The following CACNB2 variants were observed in gnomAD, a reference collection of about 807,000 sequenced individuals.
CACNB2 encodes the protein calcium voltage-gated channel auxiliary subunit beta 2.
Under a neutral mutation model 73.3 loss-of-function variants are expected in CACNB2, and 42 were observed. The ratio of observed to expected loss-of-function variants is 0.57; its 90% confidence interval spans 0.45 to 0.74. The LOEUF (loss-of-function observed/expected upper bound fraction) is 0.74. Ranked by LOEUF, CACNB2 falls within the 30% of genes least tolerant of loss-of-function variation. The probability of loss-of-function intolerance (pLI) is 0.00; values close to 1 mark genes in which losing one functional copy is unlikely to be tolerated. For missense variants in CACNB2, 940 were observed against 853.0 expected (o/e 1.10, Z -1.27); for synonymous variants, 348 against 310.3 (o/e 1.12, Z -1.28).
At chr10:18,264,613 C>T (rs998243301) in intron 2 of CACNB2, among the ~76,000 whole-genome samples, 5 of 152,176 alleles carry the variant, frequency 3.3e-5, no homozygotes, top group African/African-American at 9.7e-5. Flanking sequence ...TGAACTCAAA[C>T]AGCATGTACT....
At chr10:18,317,277 C>A (rs1320796570) in intron 2 of CACNB2, among the ~76,000 whole-genome samples, 1 of 151,630 alleles carries the variant, frequency 6.6e-6, no homozygotes, top group Non-Finnish European at 1.5e-5. Context: ...TTGGGGGTTA[C>A]AGATGCAGAT....
intron 2 of CACNB2, among the ~76,000 whole-genome samples, chr10:18,203,996 A>T (rs2034992578): frequency 6.6e-6 from 1 of 152,240 alleles, no homozygotes; most frequent in Non-Finnish European, 1.5e-5. Flanking sequence ...AAACAGGCTC[A>T]TTCAAACAAA....
chr10:18,486,701 A>G (rs2049076389), intron 3 of CACNB2, among the ~76,000 whole-genome samples: 1 of 152,142 alleles, frequency 6.6e-6, no homozygotes, highest in African/African-American at 2.4e-5. Flanking sequence ...CGGCAGTGAG[A>G]TGAGGGACTT....
At chr10:18,364,968 G>A (rs538532290) in intron 2 of CACNB2, among the ~76,000 whole-genome samples, 78 of 152,148 alleles carry the variant, frequency 5.1e-4, no homozygotes, top group African/African-American at 1.7e-3. Context: ...TTTTTCAAGT[G>A]CTGTTTTATT....
intron 2 of CACNB2, among the ~76,000 whole-genome samples, chr10:18,293,253 T>C (rs939735471): frequency 6.6e-6 from 1 of 152,228 alleles, no homozygotes; most frequent in Non-Finnish European, 1.5e-5. Context: ...CATATTATTG[T>C]TATCGTTGAT....
At chr10:18,522,695 T>G (rs936472448) in intron 9 of CACNB2, among the ~76,000 whole-genome samples, 1 of 151,874 alleles carries the variant, frequency 6.6e-6, no homozygotes, top group Non-Finnish European at 1.5e-5. Context: ...TTCGCCAACA[T>G]GGTGAAACCT....
At chr10:18,472,462 C>A (rs2048242549) in intron 3 of CACNB2, among the ~76,000 whole-genome samples, 1 of 152,100 alleles carries the variant, frequency 6.6e-6, no homozygotes, top group African/African-American at 2.4e-5. Flanking sequence ...GTCTTGAATT[C>A]CTGACCTCAG....
intron 9 of CACNB2, chr10:18,519,997 T>TCTCCTTTGC (rs1188651742): frequency 3.3e-6 from 1 of 305,390 alleles, no homozygotes; most frequent in Non-Finnish European, 6.3e-6. Context: ...TGCTCCTTTG[T>TCTCCTTTGC]CTCCTTTGCT....
intron 2 of CACNB2, among the ~76,000 whole-genome samples, chr10:18,329,254 A>G (rs370346864): frequency 7.9e-4 from 121 of 152,302 alleles, no homozygotes; most frequent in African/African-American, 2.7e-3. Flanking sequence ...CCTCAACTGT[A>G]TTACAGAATA....
intron 2 of CACNB2, among the ~76,000 whole-genome samples, chr10:18,386,507 A>G (rs770806658): frequency 2.0e-4 from 28 of 142,496 alleles, no homozygotes; most frequent in Non-Finnish European, 1.0e-4. Flanking sequence ...GGTTTGCACC[A>G]TTCTCCTGCC....
At chr10:18,369,168 A>G (rs956589620) in intron 2 of CACNB2, among the ~76,000 whole-genome samples, 2 of 152,192 alleles carry the variant, frequency 1.3e-5, no homozygotes, top group African/African-American at 4.8e-5. Flanking sequence ...GCCTCTGGTA[A>G]TTCTTCTAAG....
chr10:18,194,868 A>G (rs1201727208), intron 2 of CACNB2, among the ~76,000 whole-genome samples: 1 of 152,196 alleles, frequency 6.6e-6, no homozygotes, highest in Non-Finnish European at 1.5e-5. Flanking sequence ...CGACATCATG[A>G]TGTCCATTCA....
Position 18,518,376 on chromosome 10 carries a change from G to A in CACNB2, c.845G>A (p.Arg282Gln). ...TPPYDVVPSM[R>Q]PVVLVGPSLK... ...CCGTATGATGTGGTACCTTCCATGC[G>A]ACCAGTGGTCCTAGTGGGCCCTTCT... Residue 282 changes from arginine to glutamine, a missense_variant, in exon 8 of 14, where the codon CGA (arginine) becomes CAA (glutamine). Arg to Gln is a conservative substitution (Grantham distance 43). Transcript: ENST00000324631. 3 of 1,613,708 alleles carry A rather than the reference G, an allele frequency of 1.9e-6. No homozygotes were observed. The highest frequency in any genetic ancestry group is 1.3e-5 in the African/African-American group (1 of 75,018).
At position 18,384,242 on chromosome 10, in the gene CACNB2, A is replaced by C. The variant is rs189142216; in HGVS notation, c.214-17682A>C. ...GATCTGTGGTCATGTTTTGAGGGCAACTTGAATATTTTTCATGATAAAAAT... is the reference window on the plus strand; with the variant it reads ...GATCTGTGGTCATGTTTTGAGGGCACCTTGAATATTTTTCATGATAAAAAT... On this transcript the variant is annotated intron_variant, in intron 2 of 13. Coordinates refer to ENST00000324631, the MANE Select transcript of CACNB2 (RefSeq NM_201596.3). Among the ~76,000 whole-genome samples the C allele has an allele frequency of 2.6e-3, 396 of 152,274 alleles. 2 individuals carry two copies. Among genetic ancestry groups the C allele is most frequent in the African/African-American group, 9.0e-3 (373 of 41,546 alleles).
At chr10:18,214,672 G>A (rs191671047) in intron 2 of CACNB2, among the ~76,000 whole-genome samples, 5 of 149,950 alleles carry the variant, frequency 3.3e-5, no homozygotes, top group African/African-American at 1.3e-4. Flanking sequence ...ACTGTATGGC[G>A]TGGCAACAGC....
intron 2 of CACNB2, chr10:18,205,997 G>A (rs1023187076): frequency 1.3e-5 from 2 of 152,694 alleles, no homozygotes; most frequent in Non-Finnish European, 2.9e-5. Flanking sequence ...TTTTTTGTTT[G>A]TTTGTTTTGA....
intron 2 of CACNB2, among the ~76,000 whole-genome samples, chr10:18,350,555 G>A (rs772311817): frequency 2.6e-5 from 4 of 152,120 alleles, no homozygotes; most frequent in African/African-American, 7.2e-5. Context: ...CAGGAGTAGC[G>A]CTTTAGGTTC....
intron 4 of CACNB2, 167 bp downstream of exon 4, chr10:18,498,644 A>T (rs2133013182): frequency 1.4e-6 from 1 of 706,010 alleles, no homozygotes; most frequent in East Asian, 2.8e-5. Flanking sequence ...ATATAAATAT[A>T]CCTTTTAAAG....
In CACNB2 at chr10:18,500,846, T is replaced by C. The variant is rs1291988987; in HGVS notation, c.491T>C (p.Val164Ala). ...FNNDWWIGRL[V>A]KEGCEIGFIP... ...AATGACTGGTGGATAGGGCGATTGGTAAAAGAAGGCTGTGAAATCGGATTC... is the reference window on the plus strand; with the variant it reads ...AATGACTGGTGGATAGGGCGATTGGCAAAAGAAGGCTGTGAAATCGGATTC... The change falls in exon 5 of 14, where the codon GTA becomes GCA. Residue 164 changes from valine to alanine, a missense_variant. Physicochemically the swap from Val to Ala is moderately conservative, Grantham distance 64 (BLOSUM62 0). Transcript: ENST00000324631. The C allele has an allele frequency of 2.5e-6, 4 of 1,613,872 alleles. No individual in the cohort carries two copies. Among genetic ancestry groups the C allele is most frequent in the Non-Finnish European group, 3.4e-6 (4 of 1,179,924 alleles).
Sources: allele counts gnomAD v4.1 joint callset (sites outside exome capture counted in the v4.1 genomes callset), GRCh38; gene constraint gnomAD v4.1.1; transcripts MANE v1.5; gene names NCBI Gene and HGNC (gene_info 2026-07-23, HGNC 2026-07-21).